OR7E24: variants seen among roughly 807,000 people sequenced by gnomAD.
OR7E24 encodes the protein olfactory receptor 7E24.
For missense variants in OR7E24, 385 were observed against 410.3 expected, an observed-to-expected ratio of 0.94 and a Z score of 0.53; for synonymous variants, 130 against 157.5, an observed-to-expected ratio of 0.83 and a Z score of 1.31.
the OR7E24 span, chr19:9,214,459 A>G: frequency 1.2e-6 from 2 of 1,614,070 alleles, no homozygotes; most frequent in Non-Finnish European, 1.7e-6. Flanking sequence ...AGTGGGTGGC[A>G]GATGGCCACA....
upstream of OR7E24, among the ~76,000 whole-genome samples, chr19:9,250,077 T>C (rs2066140978): frequency 2.0e-5 from 3 of 152,218 alleles, no homozygotes; most frequent in South Asian, 6.2e-4. Context: ...TATGTGCATT[T>C]AACTAAACCT....
the OR7E24 span, among the ~76,000 whole-genome samples, chr19:9,232,446 G>A: frequency 6.7e-6 from 1 of 149,754 alleles, no homozygotes; most frequent in South Asian, 2.1e-4. Flanking sequence ...GCTGAGGCAG[G>A]AGAATCACTT....
the OR7E24 span, chr19:9,212,165 T>A: frequency 6.6e-6 from 1 of 152,228 alleles, no homozygotes; most frequent in South Asian, 2.1e-4. Flanking sequence ...AATGAGGTAT[T>A]CATCCCTCAA....
At chr19:9,242,853 T>TTCTTTCTTCCCTCATTCCCTCC (rs1173872398), upstream of OR7E24, among the ~76,000 whole-genome samples, 2 of 151,922 alleles carry the variant, frequency 1.3e-5, no homozygotes, top group Non-Finnish European at 2.9e-5. Flanking sequence ...TCCTTTCCTC[T>TTCTTTCTTCCCTCATTCCCTCC]TCTTTCTTCC....
the OR7E24 span, among the ~76,000 whole-genome samples, chr19:9,227,956 T>C: frequency 6.6e-6 from 1 of 151,128 alleles, no homozygotes; most frequent in East Asian, 2.0e-4. Flanking sequence ...GGTTTCACCG[T>C]TTTAGCCGGG....
chr19:9,242,068 A>G, the OR7E24 span, among the ~76,000 whole-genome samples: 2 of 152,142 alleles, frequency 1.3e-5, no homozygotes, highest in African/African-American at 4.8e-5. Context: ...GCTTTCCTCA[A>G]AAATTACCCA....
chr19:9,249,518 T>C (rs138543072), upstream of OR7E24, among the ~76,000 whole-genome samples: 30 of 152,226 alleles, frequency 2.0e-4, no homozygotes, highest in East Asian at 5.6e-3. Context: ...TTAAAGACCA[T>C]GGCAGAGATT....
chr19:9,221,330 G>A, the OR7E24 span, among the ~76,000 whole-genome samples: 1 of 136,930 alleles, frequency 7.3e-6, no homozygotes. Flanking sequence ...TGTCTTTCAG[G>A]TCTTTTGCCC....
chr19:9,234,187 C>T, the OR7E24 span, among the ~76,000 whole-genome samples: 1 of 152,186 alleles, frequency 6.6e-6, no homozygotes, highest in Non-Finnish European at 1.5e-5. Context: ...CAGGCGTGAG[C>T]CACTGTGCCT....
At chr19:9,245,205 A>T (rs1382604978), upstream of OR7E24, among the ~76,000 whole-genome samples, 2 of 151,188 alleles carry the variant, frequency 1.3e-5, no homozygotes, top group African/African-American at 2.5e-5. Context: ...ACAGAGCAAG[A>T]CTCCGTCTCA....
the OR7E24 span, among the ~76,000 whole-genome samples, chr19:9,225,436 G>A: frequency 7.5e-6 from 1 of 132,842 alleles, no homozygotes; most frequent in South Asian, 2.8e-4. Flanking sequence ...GGAAGCGAAG[G>A]AAGAAAGAAA....
At chr19:9,240,246 G>A in the OR7E24 span, among the ~76,000 whole-genome samples, 13 of 152,120 alleles carry the variant, frequency 8.5e-5, no homozygotes, top group African/African-American at 2.2e-4. Flanking sequence ...TTCTTTTGCT[G>A]TGTGGGAACT....
At chr19:9,242,944 CTTCT>C (rs1402030468), upstream of OR7E24, among the ~76,000 whole-genome samples, 1 of 150,452 alleles carries the variant, frequency 6.6e-6, no homozygotes, top group East Asian at 1.9e-4. Flanking sequence ...TCTTTCTTTC[CTTCT>C]TTATTTGACC....
chr19:9,246,317 C>T (rs1293324101), upstream of OR7E24, among the ~76,000 whole-genome samples: 1 of 151,960 alleles, frequency 6.6e-6, no homozygotes, highest in Admixed American at 6.6e-5. Flanking sequence ...ATCTGCCTGC[C>T]TTGGCCTCCC....
At chr19:9,213,666 A>C in the OR7E24 span, 1 of 486,788 alleles carries the variant, frequency 2.1e-6, no homozygotes, top group Admixed American at 3.5e-5. Context: ...TCAACCTGGG[A>C]GGTAGAGGTT....
chr19:9,214,736 C>A, the OR7E24 span: 6 of 1,614,072 alleles, frequency 3.7e-6, no homozygotes, highest in Admixed American at 1.0e-4. Context: ...TGACCAGGTA[C>A]ATGGACAGGA....
the OR7E24 span, among the ~76,000 whole-genome samples, chr19:9,236,507 C>T: frequency 6.6e-6 from 1 of 150,700 alleles, no homozygotes; most frequent in Non-Finnish European, 1.5e-5. Flanking sequence ...GAGACTCTGT[C>T]TGAAAAAAAA....
chr19:9,213,335 A>G, the OR7E24 span: 1 of 152,728 alleles, frequency 6.5e-6, no homozygotes, highest in Non-Finnish European at 1.5e-5. Context: ...TATGGGAAAC[A>G]TCTAGGGAAG....
chr19:9,249,544 AAAG>A (rs1344720295), upstream of OR7E24, among the ~76,000 whole-genome samples: 1 of 152,222 alleles, frequency 6.6e-6, no homozygotes, highest in African/African-American at 2.4e-5. Context: ...AGGCATAAAA[AAAG>A]AGAAAAGGAT....
Sources: gnomAD v4.1 joint callset for allele counts (sites outside exome capture counted in the v4.1 genomes callset) on GRCh38, gnomAD v4.1.1 for gene constraint, MANE v1.5 for transcripts, NCBI Gene and HGNC (gene_info 2026-07-23, HGNC 2026-07-21) for gene names.